The following AGXT2 variants were observed in gnomAD, a reference collection of about 807,000 sequenced individuals.
AGXT2 encodes the protein alanine--glyoxylate aminotransferase 2, mitochondrial.
In AGXT2, 61 loss-of-function variants were observed where a neutral mutation model predicts 62.5. The observed-to-expected ratio is 0.98, with a 90% CI of 0.79 to 1.21. The LOEUF (loss-of-function observed/expected upper bound fraction) is 1.21. Ranked by LOEUF, AGXT2 falls within the 50% of genes most tolerant of loss-of-function variation. The probability of loss-of-function intolerance (pLI) is 0.00; values close to 1 mark genes in which losing one functional copy is unlikely to be tolerated. For synonymous variants in AGXT2, 243 were observed against 218.7 expected, an observed-to-expected ratio of 1.11 and a Z score of -0.98; for missense variants, 666 against 641.5, an observed-to-expected ratio of 1.04 and a Z score of -0.41.
chr5:35,010,119 T>A lies in AGXT2; in HGVS notation c.1219A>T (p.Ser407Cys). The change falls in exon 12 of 14, where the codon AGT (serine) becomes TGT (cysteine). Residue 407 changes from serine to cysteine, a missense_variant. Ser to Cys is a moderately radical substitution (Grantham distance 112, BLOSUM62 -1). Transcript: ENST00000231420. ...VIKEENLQEN[S>C]QEVGTYMLLK... ...AACATGTAGGTCCCAACTTCTTGACTGTTTTCCTGTAGATTTTCTTCTTTA... is the reference window on the plus strand; with the variant it reads ...AACATGTAGGTCCCAACTTCTTGACAGTTTTCCTGTAGATTTTCTTCTTTA... 6.2e-7 allele frequency: 1 copy of A among 1,614,228 alleles called. No individual in the cohort carries two copies. The highest frequency in any genetic ancestry group is 8.5e-7 in the Non-Finnish European group (1 of 1,180,042).
intron 6 of AGXT2, 37 bp from the exon 7 acceptor site, chr5:35,032,862 A>T: frequency 6.5e-7 from 1 of 1,549,616 alleles, no homozygotes; most frequent in Non-Finnish European, 8.8e-7. Context: ...GCAAAGCATG[A>T]ACACAAGACA....
At chr5:35,033,076 G>A in intron 6 of AGXT2, 1 of 518,954 alleles carries the variant, frequency 1.9e-6, no homozygotes, top group Non-Finnish European at 3.5e-6. Flanking sequence ...GGTGCAGTGG[G>A]TAAGGGCATC....
rs1259400848 is a variant in AGXT2 at position 35,032,841 on chromosome 5, G to C, written c.676-16C>G. The C allele has an allele frequency of 3.1e-6, 5 of 1,588,766 alleles. No homozygotes were observed. The East Asian group carries it at 1.1e-4, about 36-fold the overall frequency. Reference sequence around the variant, plus strand: ...GACACATTGTCTGCAAATGACAAAAGAAGGAGTGTGGCAAAGCATGAACAC... The same window carrying C: ...GACACATTGTCTGCAAATGACAAAACAAGGAGTGTGGCAAAGCATGAACAC... On this transcript the variant is annotated splice_polypyrimidine_tract_variant and intron_variant, in intron 6 of 13. Coordinates refer to ENST00000231420, the MANE Select transcript of AGXT2 (RefSeq NM_031900.4).
chr5:35,047,745 C>G, intron 1 of AGXT2, 60 bp downstream of exon 1: 1 of 1,593,912 alleles, frequency 6.3e-7, no homozygotes, highest in Non-Finnish European at 8.6e-7. Context: ...GCCTTCGGAG[C>G]TCAAGTCTTA....
intron 9 of AGXT2, among the ~76,000 whole-genome samples, chr5:35,018,573 G>T (rs954282612): frequency 6.6e-6 from 1 of 152,100 alleles, no homozygotes; most frequent in African/African-American, 2.4e-5. Flanking sequence ...CCTGAAGGAA[G>T]CACTAAACAT....
intron 1 of AGXT2, among the ~76,000 whole-genome samples, chr5:35,041,581 A>G (rs1055639176): frequency 1.3e-5 from 2 of 152,170 alleles, no homozygotes; most frequent in African/African-American, 4.8e-5. Flanking sequence ...AGAGTTGTCT[A>G]GAGACCTTAT....
chr5:35,003,850 CCGA>C lies in AGXT2; in HGVS notation c.1347_1349del (p.Cys449_Arg450delinsTrp), dbSNP rs1561210559. ...GATTTACTTCTTCACGGGGAAGAGG[CCGA>C]CAGCTTATCTGTAAATATATTTTTA... is the stretch of plus-strand genomic sequence containing the variant. On this transcript the variant is annotated inframe_deletion, in exon 13 of 14. Coordinates refer to ENST00000231420, the MANE Select transcript of AGXT2 (RefSeq NM_031900.4). 1 of 1,613,964 alleles carries C rather than the reference CCGA, an allele frequency of 6.2e-7. No homozygotes were observed. The highest frequency in any genetic ancestry group is 8.5e-7 in the Non-Finnish European group (1 of 1,179,874).
At chr5:35,027,774 A>G (rs1274071470) in intron 7 of AGXT2, among the ~76,000 whole-genome samples, 1 of 150,832 alleles carries the variant, frequency 6.6e-6, no homozygotes, top group Non-Finnish European at 1.5e-5. Context: ...TGCGTAGGGC[A>G]TTAGAGTCTA....
At chr5:35,001,915 C>A (rs545848965) in intron 13 of AGXT2, among the ~76,000 whole-genome samples, 1 of 152,044 alleles carries the variant, frequency 6.6e-6, no homozygotes, top group African/African-American at 2.4e-5. Flanking sequence ...ACCAGCTCCA[C>A]GAAGGAAGGA....
At chr5:35,026,008 A>G in intron 8 of AGXT2, 153 bp from the exon 9 acceptor site, 1 of 718,420 alleles carries the variant, frequency 1.4e-6, no homozygotes. Context: ...GTGGGTGAAA[A>G]GAGGACTTAT....
At chr5:35,025,693 G>T in intron 9 of AGXT2, 70 bp downstream of exon 9, 1 of 1,493,288 alleles carries the variant, frequency 6.7e-7, no homozygotes, top group East Asian at 2.3e-5. Context: ...CACAGAGGAA[G>T]TTTAGGAGGT....
intron 13 of AGXT2, among the ~76,000 whole-genome samples, chr5:35,002,875 G>A (rs976607952): frequency 1.3e-5 from 2 of 152,212 alleles, no homozygotes; most frequent in African/African-American, 4.8e-5. Flanking sequence ...TGAGAAGTAT[G>A]AGGCAAGAAG....
intron 9 of AGXT2, among the ~76,000 whole-genome samples, chr5:35,017,177 C>T (rs1766873929): frequency 6.6e-6 from 1 of 152,180 alleles, no homozygotes; most frequent in Admixed American, 6.5e-5. Flanking sequence ...GCCCTTTCTA[C>T]ACCACGCTCT....
At chr5:34,999,812 T>G (rs1766162433) in intron 13 of AGXT2, among the ~76,000 whole-genome samples, 1 of 152,174 alleles carries the variant, frequency 6.6e-6, no homozygotes, top group Admixed American at 6.5e-5. Context: ...TCCTAAAGGC[T>G]CAGAGAACAA....
intron 4 of AGXT2, among the ~76,000 whole-genome samples, chr5:35,036,473 A>C (rs79340849): frequency 6.6e-6 from 1 of 152,352 alleles, no homozygotes; most frequent in Non-Finnish European, 1.5e-5. Flanking sequence ...AAAAATATCT[A>C]AGTGTAATTT....
intron 1 of AGXT2, among the ~76,000 whole-genome samples, chr5:35,046,924 G>A (rs892663314): frequency 1.3e-5 from 2 of 152,164 alleles, no homozygotes; most frequent in Admixed American, 6.6e-5. Context: ...CAAGCATATA[G>A]GATATTACTC....
Position 35,032,776 on chromosome 5 carries a change from C to T in AGXT2, c.725G>A (p.Arg242Gln), listed in dbSNP as rs78750779. Reference protein sequence around the residue: ...FRGPWGGSHCRDSPVQTIRKC... With the variant: ...FRGPWGGSHCQDSPVQTIRKC... The stretch of plus-strand genomic sequence containing the variant: ...CCTGATTGTTTGCACTGGAGAATCT[C>T]GACAGTGGCTTCCTCCCCAAGGGCC... Residue 242 changes from arginine to glutamine, a missense_variant, in exon 7 of 14, where the codon CGA becomes CAA. Transcript: ENST00000231420. The T allele has an allele frequency of 1.3e-3, 2,120 of 1,609,798 alleles. 21 individuals carry two copies. In the African/African-American group the frequency reaches 0.025, roughly 19 times the overall value.
At position 34,998,475 on chromosome 5, in the gene AGXT2, C is replaced by T; in HGVS notation, c.*244G>A. 1.8e-6 allele frequency: 1 copy of T among 565,164 alleles called. No homozygotes were observed. Among genetic ancestry groups the T allele is most frequent in the Non-Finnish European group, 3.2e-6 (1 of 316,500 alleles). The allele number at this position is 565,164 out of a possible 1,614,324, so 35.0% of individuals were successfully genotyped here. The stretch of plus-strand genomic sequence containing the variant: ...AGGGGAATCAAATTACCATACCTAA[C>T]ATAAACTAATTAGGATTTATTCTCT... On this transcript the variant is annotated 3_prime_UTR_variant, in exon 14 of 14. Transcript: ENST00000231420.
In AGXT2 at chr5:35,039,537, C is replaced by A. The variant is rs772647217; in HGVS notation, c.178-29G>T. 5 of 1,605,962 alleles carry A rather than the reference C, an allele frequency of 3.1e-6. No homozygotes were observed. In the African/African-American group the frequency reaches 6.7e-5, roughly 21 times the overall value. On this transcript the variant is annotated intron_variant, in intron 2 of 13. Transcript: ENST00000231420. ...TAGATAAACAAGATTTAAACCCACA[C>A]ACTTCTTACAAGATCAATAGCAGTC...
Sources: gnomAD v4.1 joint callset for allele counts (sites outside exome capture counted in the v4.1 genomes callset) on GRCh38, gnomAD v4.1.1 for gene constraint, MANE v1.5 for transcripts, NCBI Gene and HGNC (gene_info 2026-07-23, HGNC 2026-07-21) for gene names.